The following NELL2 variants were observed in gnomAD, a reference collection of about 807,000 sequenced individuals.
The protein encoded by NELL2 is neural EGFL like 2.
Under a neutral mutation model 109.6 loss-of-function variants are expected in NELL2, and 41 were observed. That is an observed-to-expected ratio of 0.37 (90% confidence interval 0.29 to 0.49). The LOEUF (loss-of-function observed/expected upper bound fraction) is 0.49, where lower values mean the gene tolerates loss of function less well. Ranked by LOEUF, NELL2 falls within the 20% of genes least tolerant of loss-of-function variation. The pLI is 0.98. For synonymous variants in NELL2, 355 were observed against 344.7 expected (o/e 1.03, Z -0.33); for missense variants, 900 against 1,008.3 (o/e 0.89, Z 1.45).
intron 15 of NELL2, among the ~76,000 whole-genome samples, chr12:44,603,205 C>T (rs891290841): frequency 2.0e-5 from 3 of 147,616 alleles, no homozygotes; most frequent in African/African-American, 7.7e-5. Flanking sequence ...ATTATTTGCA[C>T]AGAAAAAAAA....
chr12:44,708,835 G>A (rs1938033494), intron 11 of NELL2, among the ~76,000 whole-genome samples: 1 of 152,142 alleles, frequency 6.6e-6, no homozygotes, highest in African/African-American at 2.4e-5. Context: ...ATCTCAGATG[G>A]AGGAAGTATT....
chr12:44,522,975 A>G, intron 17 of NELL2: 1 of 304,746 alleles, frequency 3.3e-6, no homozygotes, highest in African/African-American at 2.2e-5. Flanking sequence ...ATTGAATCTC[A>G]AAAACATAAT....
At chr12:44,537,393 A>T (rs955095925) in intron 15 of NELL2, among the ~76,000 whole-genome samples, 2 of 148,642 alleles carry the variant, frequency 1.3e-5, no homozygotes, top group Non-Finnish European at 3.0e-5. Flanking sequence ...ATACTTTAAC[A>T]CTCTCAAGAA....
chr12:44,726,965 C>T (rs1481209840), intron 9 of NELL2, among the ~76,000 whole-genome samples: 1 of 152,080 alleles, frequency 6.6e-6, no homozygotes, highest in Admixed American at 6.6e-5. Context: ...TAATTTTTAA[C>T]AGAGCCAATG....
rs11182591 is a variant in NELL2, at chr12:44,641,201, G to A, written c.1444+24283C>T. On this transcript the variant is annotated intron_variant, in intron 13 of 19. Transcript: ENST00000429094. ...ATACTGCTAAGGGAAAAATCTGTAC[G>A]TACATAATACATATCCAAAGCACGA... Among the ~76,000 whole-genome samples, 186 of 152,232 alleles carry A rather than the reference G, an allele frequency of 1.2e-3. 3 individuals carry two copies. In the East Asian group the frequency reaches 0.026, roughly 22 times the overall value.
chr12:44,545,331 G>A (rs1942748277), intron 15 of NELL2, among the ~76,000 whole-genome samples: 1 of 151,866 alleles, frequency 6.6e-6, no homozygotes, highest in Non-Finnish European at 1.5e-5. Flanking sequence ...TCATTTTTTG[G>A]TTTCGAGTTC....
At chr12:44,797,950 G>A (rs1414258961) in intron 3 of NELL2, among the ~76,000 whole-genome samples, 8 of 49,476 alleles carry the variant, frequency 1.6e-4, no homozygotes, top group Non-Finnish European at 3.1e-4. Flanking sequence ...ATGGAATGAT[G>A]GAATAAAATC....
intron 1 of NELL2, 117 bp from the exon 2 acceptor site, chr12:44,875,470 G>A (rs904708276): frequency 4.3e-6 from 7 of 1,613,776 alleles, no homozygotes; most frequent in Non-Finnish European, 5.9e-6. Flanking sequence ...AACTGAAGAT[G>A]AGAGGCGACT....
rs1948131742 is a variant in NELL2, at chr12:44,671,331, C to G, written c.1319-5722G>C. Among the ~76,000 whole-genome samples the G allele has an allele frequency of 2.0e-5, 3 of 151,980 alleles. No individual in the cohort carries two copies. In the South Asian group the frequency reaches 6.2e-4, roughly 31 times the overall value. Reference sequence around the variant, plus strand: ...AACTTATAGTAATAAATGCCTACATCAAAAAGTAGAAATATTTCAAATAAA... The same window carrying G: ...AACTTATAGTAATAAATGCCTACATGAAAAAGTAGAAATATTTCAAATAAA... On this transcript the variant is annotated intron_variant, in intron 12 of 19. Transcript: ENST00000429094.
rs142043324 is a variant in NELL2 at position 44,711,349 on chromosome 12, C to T, written c.1132G>A (p.Asp378Asn). 4 of 1,612,484 alleles carry T rather than the reference C, an allele frequency of 2.5e-6. No individual in the cohort carries two copies. The African/African-American group carries it at 5.3e-5, about 22-fold the overall frequency. ...LVESSGCPAL[D>N]CPESHQITLS... Reference sequence around the variant, plus strand: ...GTTATCTGATGAGACTCTGGACAATCCAAAGCTGGACAGCCTGAACTCTCA... The same window carrying T: ...GTTATCTGATGAGACTCTGGACAATTCAAAGCTGGACAGCCTGAACTCTCA... The change falls in exon 11 of 20, where the codon GAT (aspartate) becomes AAT (asparagine). Residue 378 changes from aspartate to asparagine, a missense_variant. Asp to Asn is a conservative substitution (Grantham distance 23). Around this residue, in one of 4 missense-constraint regions of NELL2, gnomAD observed 292 missense variants for 265.3 expected, o/e 1.10. Transcript: ENST00000429094.
At position 44,711,338 on chromosome 12, in the gene NELL2, C is replaced by A; in HGVS notation, c.1143G>T (p.Glu381Asp). 1 of 1,612,672 alleles carries A rather than the reference C, an allele frequency of 6.2e-7. No individual in the cohort carries two copies. Among genetic ancestry groups the A allele is most frequent in the Non-Finnish European group, 8.5e-7 (1 of 1,178,976 alleles). The change falls in exon 11 of 20, where the codon GAG becomes GAT. Residue 381 changes from glutamate to aspartate, a missense_variant. By Grantham distance (45) the Glu-to-Asp change is conservative. Around this residue, in one of 4 missense-constraint regions of NELL2, gnomAD observed 292 missense variants for 265.3 expected, o/e 1.10. Coordinates refer to ENST00000429094, the MANE Select transcript of NELL2 (RefSeq NM_001145108.2). Reference protein sequence around the residue: ...SSGCPALDCPESHQITLSHSC... With the variant: ...SSGCPALDCPDSHQITLSHSC... The stretch of plus-strand genomic sequence containing the variant: ...TGTGAGACAAGGTTATCTGATGAGA[C>A]TCTGGACAATCCAAAGCTGGACAGC...
chr12:44,708,603 G>C (rs1473328137), intron 11 of NELL2, among the ~76,000 whole-genome samples: 2 of 152,152 alleles, frequency 1.3e-5, no homozygotes, highest in Non-Finnish European at 2.9e-5. Context: ...TTGAAAGTTA[G>C]AAAATGCCAG....
intron 9 of NELL2, among the ~76,000 whole-genome samples, chr12:44,774,144 C>T (rs7137674): frequency 0.23 from 35,014 of 152,076 alleles, 4,267 homozygotes; most frequent in South Asian, 0.28. Flanking sequence ...ATTTATTGAA[C>T]GATCTAGAAC....
intron 13 of NELL2, among the ~76,000 whole-genome samples, chr12:44,659,982 C>A (rs976221351): frequency 3.9e-5 from 6 of 152,146 alleles, no homozygotes; most frequent in African/African-American, 1.4e-4. Flanking sequence ...TCTCTGCTGC[C>A]TCTGCTGAGG....
intron 12 of NELL2, among the ~76,000 whole-genome samples, chr12:44,676,255 G>T (rs867358848): frequency 1.6e-4 from 24 of 152,092 alleles, no homozygotes; most frequent in African/African-American, 4.3e-4. Flanking sequence ...CTAGGATAAA[G>T]ACTAAGTTCT....
intron 12 of NELL2, among the ~76,000 whole-genome samples, chr12:44,666,926 A>G (rs889777149): frequency 1.3e-5 from 2 of 151,980 alleles, no homozygotes; most frequent in African/African-American, 2.4e-5. Context: ...TGTTCTCTCT[A>G]CTTATAACTG....
chr12:44,771,706 A>G (rs1941557996), intron 9 of NELL2, among the ~76,000 whole-genome samples: 1 of 152,254 alleles, frequency 6.6e-6, no homozygotes, highest in African/African-American at 2.4e-5. Context: ...TCAACTAAAG[A>G]AAAGGCTTGG....
rs529255067 is a variant in NELL2 at position 44,661,180 on chromosome 12, C to T, written c.1444+4304G>A. 1.9e-3 allele frequency among the ~76,000 whole-genome samples: 287 copies of T among 152,198 alleles called. 2 individuals carry two copies. Among genetic ancestry groups the T allele is most frequent in the African/African-American group, 6.3e-3 (263 of 41,514 alleles). Reference sequence around the variant, plus strand: ...ACACTGTGCATGCTCACTTCCCAAGCGTAAGGAGGGCACTGCACATGCAGG... The same window carrying T: ...ACACTGTGCATGCTCACTTCCCAAGTGTAAGGAGGGCACTGCACATGCAGG... On this transcript the variant is annotated intron_variant, in intron 13 of 19. Coordinates refer to ENST00000429094, the MANE Select transcript of NELL2 (RefSeq NM_001145108.2).
chr12:44,509,496 G>A (rs1940885604), intron 19 of NELL2, among the ~76,000 whole-genome samples: 1 of 152,146 alleles, frequency 6.6e-6, no homozygotes, highest in South Asian at 2.1e-4. Flanking sequence ...CCTTTGAGAG[G>A]TAATTAGTGA....
Sources: gnomAD v4.1 joint callset for allele counts (sites outside exome capture counted in the v4.1 genomes callset) on GRCh38, gnomAD v4.1.1 for gene constraint, gnomAD v4.1.1 regional missense constraint, MANE v1.5 for transcripts, NCBI Gene and HGNC (gene_info 2026-07-23, HGNC 2026-07-21) for gene names.